The following ADAMTS12 variants were observed in gnomAD, a reference collection of about 807,000 sequenced individuals.
ADAMTS12 encodes ADAM metallopeptidase with thrombospondin type 1 motif 12, also known as A disintegrin and metalloproteinase with thrombospondin motifs 12.
ADAMTS12 carries 118 observed loss-of-function variants against 167.8 expected under a neutral mutation model. The ratio of observed to expected loss-of-function variants is 0.70; its 90% CI spans 0.61 to 0.82. The LOEUF is 0.82. Ranked by LOEUF, ADAMTS12 falls within the 40% of genes least tolerant of loss-of-function variation. The pLI is 0.00. For synonymous variants in ADAMTS12, 704 were observed against 716.9 expected, an observed-to-expected ratio of 0.98 and a Z score of 0.29; for missense variants, 1,916 against 1,998.8, an observed-to-expected ratio of 0.96 and a Z score of 0.79.
rs1217062613 is a variant in ADAMTS12, at chr5:33,531,716, A to G, written c.4606+3117T>C. On this transcript the variant is annotated intron_variant, in intron 23 of 23. Coordinates refer to ENST00000504830, the MANE Select transcript of ADAMTS12 (RefSeq NM_030955.4). ...GAGGCCCACTTGTCAGGTTAGGTCA[A>G]CACCTAAATGACTGAAAGAGACTCA... 3.3e-5 allele frequency among the ~76,000 whole-genome samples: 5 copies of G among 152,210 alleles called. No homozygotes were observed. The East Asian group carries it at 9.6e-4, about 29-fold the overall frequency.
intron 22 of ADAMTS12, among the ~76,000 whole-genome samples, chr5:33,543,547 A>C (rs1172848842): frequency 6.6e-6 from 1 of 152,242 alleles, no homozygotes; most frequent in Non-Finnish European, 1.5e-5. Flanking sequence ...AAAGCCTGGC[A>C]GAGACACAAC....
intron 9 of ADAMTS12, among the ~76,000 whole-genome samples, chr5:33,643,713 AT>A (rs1740554019): frequency 6.6e-6 from 1 of 152,194 alleles, no homozygotes; most frequent in African/African-American, 2.4e-5. Context: ...GATAAAACCT[AT>A]TTTCTAAGGG....
At chr5:33,891,545 A>G (rs1008983732) in intron 1 of ADAMTS12, 185 bp downstream of exon 1, 11 of 760,428 alleles carry the variant, frequency 1.4e-5, no homozygotes, top group Non-Finnish European at 2.1e-5. Context: ...AGGACTCATC[A>G]CCTTAAGCAC....
intron 3 of ADAMTS12, among the ~76,000 whole-genome samples, chr5:33,744,276 G>C (rs1414498613): frequency 6.6e-6 from 1 of 152,148 alleles, no homozygotes; most frequent in East Asian, 1.9e-4. Context: ...AGAATAAGTA[G>C]AAGTCACTCA....
chr5:33,724,619 T>C (rs1297103698), intron 3 of ADAMTS12, among the ~76,000 whole-genome samples: 1 of 151,050 alleles, frequency 6.6e-6, no homozygotes, highest in Non-Finnish European at 1.5e-5. Context: ...CGGCGCTATC[T>C]CGGCTCACTG....
At chr5:33,626,589 T>A (rs935446849) in intron 13 of ADAMTS12, among the ~76,000 whole-genome samples, 3 of 147,936 alleles carry the variant, frequency 2.0e-5, no homozygotes, top group African/African-American at 7.5e-5. Flanking sequence ...GGTGATTTAA[T>A]GGTAATGATG....
At chr5:33,606,149 T>C (rs534780940) in intron 16 of ADAMTS12, among the ~76,000 whole-genome samples, 2 of 152,342 alleles carry the variant, frequency 1.3e-5, no homozygotes, top group South Asian at 4.1e-4. Context: ...GGTTTCACCA[T>C]GTTGGCCAGG....
At chr5:33,759,141 ATCT>A (rs1413702225) in intron 2 of ADAMTS12, among the ~76,000 whole-genome samples, 1 of 152,260 alleles carries the variant, frequency 6.6e-6, no homozygotes. Context: ...CATCCCAGGC[ATCT>A]TCTTGGCCTG....
chr5:33,774,734 T>C (rs1745857227), intron 2 of ADAMTS12, among the ~76,000 whole-genome samples: 1 of 152,252 alleles, frequency 6.6e-6, no homozygotes, highest in African/African-American at 2.4e-5. Flanking sequence ...TTAACCCATT[T>C]TGTATCTGTC....
chr5:33,880,305 C>T (rs374662405), intron 2 of ADAMTS12, among the ~76,000 whole-genome samples: 19 of 152,294 alleles, frequency 1.2e-4, no homozygotes, highest in African/African-American at 4.6e-4. Context: ...AATACAATAA[C>T]AGCAGCCAAT....
intron 19 of ADAMTS12, among the ~76,000 whole-genome samples, chr5:33,573,775 A>G (rs2111950497): frequency 6.6e-6 from 1 of 152,368 alleles, no homozygotes; most frequent in South Asian, 2.1e-4. Flanking sequence ...GAGCTTCTGC[A>G]CAGCAAAAGA....
Position 33,818,177 on chromosome 5 carries a change from AT to A in ADAMTS12, c.489+62941del, listed in dbSNP as rs1463506798. 9.9e-5 allele frequency among the ~76,000 whole-genome samples: 15 copies of A among 152,096 alleles called. 1 individual carries two copies. In the South Asian group the frequency reaches 2.7e-3, roughly 27 times the overall value. The stretch of plus-strand genomic sequence containing the variant: ...TCCCTAATATTATATAATTTTATTA[AT>A]TTTAGTACTCATGTTACATTAGATC... On this transcript the variant is annotated intron_variant, in intron 2 of 23. Coordinates refer to ENST00000504830, the MANE Select transcript of ADAMTS12 (RefSeq NM_030955.4).
At chr5:33,662,204 A>G (rs563176596) in intron 5 of ADAMTS12, among the ~76,000 whole-genome samples, 164 bp from the exon 6 acceptor site, 1 of 152,276 alleles carries the variant, frequency 6.6e-6, no homozygotes, top group East Asian at 1.9e-4. Context: ...CCTCTTGACT[A>G]ATCTTCTGGG....
intron 2 of ADAMTS12, among the ~76,000 whole-genome samples, chr5:33,778,377 G>T (rs1379400752): frequency 6.6e-6 from 1 of 152,118 alleles, no homozygotes; most frequent in Non-Finnish European, 1.5e-5. Context: ...CACATTTATG[G>T]TCCATTGATC....
intron 14 of ADAMTS12, among the ~76,000 whole-genome samples, chr5:33,622,914 A>C (rs1463904905): frequency 6.6e-6 from 1 of 152,212 alleles, no homozygotes; most frequent in African/African-American, 2.4e-5. Context: ...AAAGACATGA[A>C]ATACAGTCTT....
At chr5:33,553,789 A>C (rs933359671) in intron 20 of ADAMTS12, among the ~76,000 whole-genome samples, 1 of 152,166 alleles carries the variant, frequency 6.6e-6, no homozygotes, top group African/African-American at 2.4e-5. Context: ...TGGGTGATGA[A>C]ATAATCTGTA....
At chr5:33,805,149 TA>T (rs2112478408) in intron 2 of ADAMTS12, among the ~76,000 whole-genome samples, 1 of 152,288 alleles carries the variant, frequency 6.6e-6, no homozygotes, top group Non-Finnish European at 1.5e-5. Flanking sequence ...CACTATGCTT[TA>T]TACACAGCCC....
intron 16 of ADAMTS12, among the ~76,000 whole-genome samples, chr5:33,608,393 A>G (rs558412485): frequency 6.6e-6 from 1 of 152,232 alleles, no homozygotes; most frequent in Non-Finnish European, 1.5e-5. Context: ...CCAAGCTAAT[A>G]AGATTTTAAT....
Position 33,534,830 on chromosome 5 carries a change from C to A in ADAMTS12, c.4606+3G>T, listed in dbSNP as rs373139826. 56 of 1,611,046 alleles carry A rather than the reference C, an allele frequency of 3.5e-5. No individual in the cohort carries two copies. The African/African-American group carries it at 6.2e-4, about 18-fold the overall frequency. On this transcript the variant is annotated splice_donor_region_variant and intron_variant, in intron 23 of 23. Transcript: ENST00000504830. ...TTCTCCCCGAGCAAACCCATTCACC[C>A]ACCGGCACTTTTCTTGCAGGCCTGC...
Sources: gnomAD v4.1 joint callset for allele counts (sites outside exome capture counted in the v4.1 genomes callset) on GRCh38, gnomAD v4.1.1 for gene constraint, MANE v1.5 for transcripts, NCBI Gene and HGNC (gene_info 2026-07-23, HGNC 2026-07-21) for gene names.